Variants in PARD3 observed in about 807,000 individuals in gnomAD.
PARD3 encodes partitioning defective 3 homolog.
A neutral mutation model predicts 155.4 loss-of-function variants in PARD3; 75 were observed. That is an observed-to-expected ratio of 0.48 (90% CI 0.40 to 0.58). The LOEUF (loss-of-function observed/expected upper bound fraction) is 0.58. Among genes scored for constraint, PARD3 ranks in the 20% least tolerant of loss-of-function variants. The probability of loss-of-function intolerance (pLI) is 0.00; values close to 1 mark genes in which losing one functional copy is unlikely to be tolerated. For missense variants in PARD3, 1,642 were observed against 1,721.7 expected (o/e 0.95, Z 0.82); for synonymous variants, 576 against 610.5 (o/e 0.94, Z 0.83).
At chr10:34,117,309 T>A (rs1264619588) in intron 24 of PARD3, among the ~76,000 whole-genome samples, 2 of 152,102 alleles carry the variant, frequency 1.3e-5, no homozygotes, top group South Asian at 2.1e-4. Flanking sequence ...GACAACACCA[T>A]CCACACAAGC....
intron 20 of PARD3, among the ~76,000 whole-genome samples, chr10:34,302,241 AT>A (rs1201586197): frequency 6.6e-6 from 1 of 152,168 alleles, no homozygotes; most frequent in Non-Finnish European, 1.5e-5. Context: ...CCTGAAATTG[AT>A]TTAGTGGCAC....
chr10:34,164,663 G>A (rs1949438131), intron 22 of PARD3, among the ~76,000 whole-genome samples: 1 of 152,204 alleles, frequency 6.6e-6, no homozygotes, highest in South Asian at 2.1e-4. Context: ...TTTTGTGGAT[G>A]TGTTTTATAG....
At chr10:34,317,486 T>G in intron 19 of PARD3, 148 bp from the exon 20 acceptor site, 2 of 815,956 alleles carry the variant, frequency 2.5e-6, no homozygotes, top group Middle Eastern at 3.6e-4. Context: ...TGTTTAACTT[T>G]GAGTAGAATT....
chr10:34,480,257 G>A (rs986420186), intron 3 of PARD3, among the ~76,000 whole-genome samples: 1 of 152,172 alleles, frequency 6.6e-6, no homozygotes, highest in African/African-American at 2.4e-5. Context: ...TCTTTTTAGA[G>A]ACAAGGTCTT....
intron 1 of PARD3, among the ~76,000 whole-genome samples, chr10:34,793,137 G>A (rs540045209): frequency 1.1e-4 from 16 of 152,320 alleles, no homozygotes; most frequent in Admixed American, 7.8e-4. Flanking sequence ...GGGGAGCCGG[G>A]GGGCCGTCGC....
chr10:34,761,147 A>G (rs1000240197), intron 1 of PARD3, among the ~76,000 whole-genome samples: 3 of 152,220 alleles, frequency 2.0e-5, no homozygotes, highest in Non-Finnish European at 4.4e-5. Context: ...ACAGTGGCTC[A>G]TGCCTATTAT....
chr10:34,204,912 T>C (rs997937760), intron 22 of PARD3, among the ~76,000 whole-genome samples: 5 of 152,214 alleles, frequency 3.3e-5, no homozygotes, highest in African/African-American at 9.6e-5. Context: ...TTTATAATCA[T>C]ATTAAAGAAC....
intron 22 of PARD3, among the ~76,000 whole-genome samples, chr10:34,191,669 G>A (rs948897986): frequency 6.6e-6 from 1 of 150,498 alleles, no homozygotes; most frequent in Non-Finnish European, 1.5e-5. Context: ...TGAAGATGGG[G>A]TCTGGGAGCC....
chr10:34,805,105 C>T (rs969875829), intron 1 of PARD3, among the ~76,000 whole-genome samples: 5 of 152,202 alleles, frequency 3.3e-5, no homozygotes, highest in Non-Finnish European at 5.9e-5. Context: ...CGCCTGTAAT[C>T]CCAGCACTTT....
chr10:34,557,057 A>G (rs1165546229), intron 2 of PARD3, among the ~76,000 whole-genome samples: 1 of 152,128 alleles, frequency 6.6e-6, no homozygotes, highest in Non-Finnish European at 1.5e-5. Context: ...GCAATGTTCA[A>G]TGGACCCAGG....
chr10:34,546,196 C>CT (rs201772452), intron 2 of PARD3, among the ~76,000 whole-genome samples: 55 of 151,788 alleles, frequency 3.6e-4, no homozygotes, highest in African/African-American at 1.0e-3. Context: ...AGTTAACACT[C>CT]TTTTTTTTGA....
At chr10:34,684,108 C>T (rs1205772183) in intron 2 of PARD3, among the ~76,000 whole-genome samples, 2 of 152,098 alleles carry the variant, frequency 1.3e-5, no homozygotes, top group Admixed American at 6.5e-5. Context: ...CCAATTCATA[C>T]TAAAGTCCAA....
intron 2 of PARD3, among the ~76,000 whole-genome samples, chr10:34,553,421 A>C (rs2084747908): frequency 6.6e-6 from 1 of 152,224 alleles, no homozygotes; most frequent in Non-Finnish European, 1.5e-5. Flanking sequence ...TATTAATAAC[A>C]AACAATAGAA....
At chr10:34,215,531 T>TA (rs1185346436) in intron 22 of PARD3, among the ~76,000 whole-genome samples, 5 of 152,222 alleles carry the variant, frequency 3.3e-5, no homozygotes, top group Non-Finnish European at 7.3e-5. Flanking sequence ...AATAAGAAGT[T>TA]ACATTTTAAG....
At chr10:34,127,709 C>T (rs1190071670) in intron 23 of PARD3, among the ~76,000 whole-genome samples, 3 of 152,162 alleles carry the variant, frequency 2.0e-5, no homozygotes, top group East Asian at 1.9e-4. Context: ...TAAGCTCAGG[C>T]GGGGCTGTGC....
In PARD3 at chr10:34,525,299, G is replaced by A. The variant is rs1014883517; in HGVS notation, c.223-8140C>T. On this transcript the variant is annotated intron_variant, in intron 2 of 24. Coordinates refer to ENST00000374788, the MANE Select transcript of PARD3 (RefSeq NM_001184785.2). ...AGGGTATATACTGTCTGATAAAAAA[G>A]ACCTAAAACTTAGAAAAGAACACTA... Among the ~76,000 whole-genome samples, 5 of 152,250 alleles carry A rather than the reference G, an allele frequency of 3.3e-5. No individual in the cohort carries two copies. In the East Asian group the frequency reaches 9.6e-4, roughly 29 times the overall value.
At chr10:34,156,234 A>C (rs1017148348) in intron 22 of PARD3, among the ~76,000 whole-genome samples, 10 of 152,084 alleles carry the variant, frequency 6.6e-5, no homozygotes, top group Non-Finnish European at 1.3e-4. Flanking sequence ...CGGCCTCCCA[A>C]GTAGCTGGGA....
At chr10:34,479,090 T>G (rs1250331286) in intron 3 of PARD3, among the ~76,000 whole-genome samples, 1 of 152,166 alleles carries the variant, frequency 6.6e-6, no homozygotes, top group Non-Finnish European at 1.5e-5. Flanking sequence ...CTCAAAATCT[T>G]ATCATTGAAA....
At chr10:34,808,360 C>A (rs74557039) in intron 1 of PARD3, among the ~76,000 whole-genome samples, 1 of 151,108 alleles carries the variant, frequency 6.6e-6, no homozygotes, top group Non-Finnish European at 1.5e-5. Context: ...GACTAAAAGA[C>A]AAAAAAAAAT....
Sources: gnomAD v4.1 joint callset for allele counts (sites outside exome capture counted in the v4.1 genomes callset) on GRCh38, gnomAD v4.1.1 for gene constraint, MANE v1.5 for transcripts, NCBI Gene and HGNC (gene_info 2026-07-23, HGNC 2026-07-21) for gene names.